Variants in NHLRC2 observed in about 807,000 individuals in gnomAD.
NHLRC2 encodes NHL repeat containing 2, also known as NHL repeat-containing protein 2.
Under a neutral mutation model 68.1 loss-of-function variants are expected in NHLRC2, and 33 were observed. The observed-to-expected ratio is 0.48, with a 90% CI of 0.37 to 0.65. The LOEUF (loss-of-function observed/expected upper bound fraction) is 0.65. NHLRC2 is among the 30% of genes least tolerant of loss of function. NHLRC2 has a pLI of 0.00. For missense variants in NHLRC2, 761 were observed against 853.8 expected (o/e 0.89, Z 1.35); for synonymous variants, 311 against 309.6 (o/e 1.00, Z -0.05).
chr10:113,854,904 T>C lies in NHLRC2; in HGVS notation c.32T>C (p.Leu11Pro). The part of the protein sequence containing the change: MAAPGGRGRS[L>P]SGLLPAQTSL... ...GCGCCCGGAGGCCGGGGCCGCAGCC[T>C]CTCCGGCCTGCTCCCCGCGCAGACC... The change falls in exon 1 of 11, where the codon CTC becomes CCC. Residue 11 changes from leucine (L) to proline (P), a missense_variant. Leu to Pro is a moderately conservative substitution (Grantham distance 98). Transcript: ENST00000369301. 4.5e-6 allele frequency: 7 copies of C among 1,551,550 alleles called. No individual in the cohort carries two copies. The highest frequency in any genetic ancestry group is 6.1e-6 in the Non-Finnish European group (7 of 1,147,454).
At chr10:113,867,048 G>A (rs1845874256) in intron 2 of NHLRC2, among the ~76,000 whole-genome samples, 1 of 152,232 alleles carries the variant, frequency 6.6e-6, no homozygotes, top group Admixed American at 6.5e-5. Flanking sequence ...GGCTGGTCAT[G>A]TAGGCAGCTT....
chr10:113,857,492 GTTA>G (rs1391889637), intron 1 of NHLRC2, among the ~76,000 whole-genome samples: 1 of 151,980 alleles, frequency 6.6e-6, no homozygotes, highest in Non-Finnish European at 1.5e-5. Flanking sequence ...AGTAACAACA[GTTA>G]TTGTTGTTAA....
chr10:113,871,041 T>TTTTTTA (rs1845919180), intron 2 of NHLRC2, among the ~76,000 whole-genome samples: 1 of 133,320 alleles, frequency 7.5e-6, no homozygotes, highest in African/African-American at 2.8e-5. Context: ...TTTTTTTTTT[T>TTTTTTA]GAGACGGAGT....
intron 5 of NHLRC2, among the ~76,000 whole-genome samples, chr10:113,887,633 A>T (rs999078123): frequency 6.6e-6 from 1 of 152,052 alleles, no homozygotes; most frequent in African/African-American, 2.4e-5. Flanking sequence ...GCTGGGCGTG[A>T]TAGTAGATGC....
At chr10:113,901,124 A>G (rs1414357306) in intron 6 of NHLRC2, among the ~76,000 whole-genome samples, 1 of 152,166 alleles carries the variant, frequency 6.6e-6, no homozygotes, top group Non-Finnish European at 1.5e-5. Context: ...ATTATGTACA[A>G]TTATATTATT....
rs1589549579 is a variant in NHLRC2 at position 113,904,694 on chromosome 10, A to G, written c.1705-123A>G. 19 of 707,258 alleles carry G rather than the reference A, an allele frequency of 2.7e-5. No individual in the cohort carries two copies. The East Asian group carries it at 4.9e-4, about 18-fold the overall frequency. 43.8% of individuals were successfully genotyped at this position (707,258 alleles called of 1,614,324 possible). ...CATCTAACACATTCTAATTCAAACT[A>G]GAATGGCGATTAGTTTCATTGACAT... On this transcript the variant is annotated intron_variant, in intron 9 of 10. Coordinates refer to ENST00000369301, the MANE Select transcript of NHLRC2 (RefSeq NM_198514.4).
Position 113,858,672 on chromosome 10 carries a change from C to A in NHLRC2, c.323C>A (p.Ser108Tyr). 6.2e-7 allele frequency: 1 copy of A among 1,609,142 alleles called. No individual in the cohort carries two copies. Among genetic ancestry groups the A allele is most frequent in the Non-Finnish European group, 8.5e-7 (1 of 1,176,004 alleles). ...PDLHALEHTY[S>Y]DKDGLLIIGV... ...CTCCATGCATTAGAACACACATACT[C>A]TGATAAAGGTATCTGCTCTTTAATT... Residue 108 changes from serine (S) to tyrosine (Y), a missense_variant, in exon 2 of 11, where the codon TCT (serine) becomes TAT (tyrosine). Coordinates refer to ENST00000369301, the MANE Select transcript of NHLRC2 (RefSeq NM_198514.4).
In NHLRC2 at chr10:113,898,222, C is replaced by T. The variant is rs762719104; in HGVS notation, c.1139+13C>T. The T allele has an allele frequency of 4.5e-6, 7 of 1,561,790 alleles. No homozygotes were observed. The highest frequency in any genetic ancestry group is 1.1e-5 in the South Asian group (1 of 89,944). Reference sequence around the variant, plus strand: ...TGCCAAAGAAAAAGTAAGTGACAGCCTCTCTCTTTGAGTAGACTGTACTAC... The same window carrying T: ...TGCCAAAGAAAAAGTAAGTGACAGCTTCTCTCTTTGAGTAGACTGTACTAC... On this transcript the variant is annotated intron_variant, in intron 6 of 10. Transcript: ENST00000369301.
intron 6 of NHLRC2, among the ~76,000 whole-genome samples, chr10:113,899,746 GTC>G (rs1274452993): frequency 6.6e-6 from 1 of 151,992 alleles, no homozygotes; most frequent in Non-Finnish European, 1.5e-5. Context: ...GTGAAACCCC[GTC>G]TCTACTAAAA....
At chr10:113,869,627 A>G (rs1050071290) in intron 2 of NHLRC2, among the ~76,000 whole-genome samples, 1 of 152,082 alleles carries the variant, frequency 6.6e-6, no homozygotes. Context: ...CTAACACCTC[A>G]TCATTCACAT....
rs892410570 is a variant in NHLRC2, at chr10:113,915,965, G to A, written c.*7429G>A. The stretch of plus-strand genomic sequence containing the variant: ...TCTTTATCTAATGTGTGCTAAGCTT[G>A]TGAAAAATATATGTTGAGGTAAATA... On this transcript the variant is annotated 3_prime_UTR_variant, in exon 11 of 11. Coordinates refer to ENST00000369301, the MANE Select transcript of NHLRC2 (RefSeq NM_198514.4). 2.6e-5 allele frequency: 4 copies of A among 152,162 alleles called. No individual in the cohort carries two copies. The highest frequency in any genetic ancestry group is 2.0e-4 in the Admixed American group (3 of 15,280). The allele number at this position is 152,162 out of a possible 1,614,324, so 9.4% of individuals were successfully genotyped here. A position where few individuals can be genotyped will look rare whatever the true frequency, so the allele number is the denominator to read the frequency against.
rs374113261 is a variant in NHLRC2, at chr10:113,904,950, C to T, written c.1838C>T (p.Thr613Ile). 9 of 1,584,276 alleles carry T rather than the reference C, an allele frequency of 5.7e-6. No homozygotes were observed. In the African/African-American group the frequency reaches 1.1e-4, roughly 19 times the overall value. ...LSPVTACAGQTLQFKLRLDLP... is the reference protein window; with the variant it reads ...LSPVTACAGQILQFKLRLDLP... The stretch of plus-strand genomic sequence containing the variant: ...CCCGTGACTGCGTGTGCTGGCCAGA[C>T]TCTTCAGTTCAAACTCAGATTAGAC... Residue 613 changes from threonine (T) to isoleucine (I), a missense_variant, in exon 10 of 11, where the codon ACT becomes ATT. Transcript: ENST00000369301.
chr10:113,880,486 C>T (rs757544341), intron 4 of NHLRC2, among the ~76,000 whole-genome samples: 1 of 151,720 alleles, frequency 6.6e-6, no homozygotes, highest in African/African-American at 2.4e-5. Context: ...CTTTAAGTTG[C>T]CATGTGTTTG....
chr10:113,914,994 A>C lies in NHLRC2; in HGVS notation c.*6458A>C, dbSNP rs1318351637. The C allele has an allele frequency of 2.2e-6, 1 of 456,174 alleles. No individual in the cohort carries two copies. Among genetic ancestry groups the C allele is most frequent in the Non-Finnish European group, 4.4e-6 (1 of 226,986 alleles). 28.3% of individuals were successfully genotyped at this position (456,174 alleles called of 1,614,324 possible). On this transcript the variant is annotated 3_prime_UTR_variant, in exon 11 of 11. Transcript: ENST00000369301. The stretch of plus-strand genomic sequence containing the variant: ...CTGCCCCAATCACAGAGCCTGGGTA[A>C]GGTGGAACAGGAGGCAGCCCCACTC...
At chr10:113,880,455 T>G (rs1564854101) in intron 4 of NHLRC2, among the ~76,000 whole-genome samples, 1 of 151,948 alleles carries the variant, frequency 6.6e-6, no homozygotes. Context: ...TCCTGATGGT[T>G]GTTTTGGCTA....
In NHLRC2 at chr10:113,913,257, A is replaced by C. The variant is rs1046173511; in HGVS notation, c.*4721A>C. 3.3e-5 allele frequency: 5 copies of C among 152,206 alleles called. No homozygotes were observed. The highest frequency in any genetic ancestry group is 1.3e-4 in the Admixed American group (2 of 15,290). 9.4% of individuals were successfully genotyped at this position (152,206 alleles called of 1,614,324 possible). ...ATTGCCTCTTAAAGTAGGTTTTCTTAAAACATAAATCTTTCATAACTTTAT... is the reference window on the plus strand; with the variant it reads ...ATTGCCTCTTAAAGTAGGTTTTCTTCAAACATAAATCTTTCATAACTTTAT... On this transcript the variant is annotated 3_prime_UTR_variant, in exon 11 of 11. Coordinates refer to ENST00000369301, the MANE Select transcript of NHLRC2 (RefSeq NM_198514.4).
At chr10:113,886,175 T>A (rs1227632294) in intron 5 of NHLRC2, among the ~76,000 whole-genome samples, 1 of 152,122 alleles carries the variant, frequency 6.6e-6, no homozygotes, top group Non-Finnish European at 1.5e-5. Flanking sequence ...AGAGTAAATT[T>A]AACCAAGGAG....
In NHLRC2 at chr10:113,854,843, C is replaced by A; in HGVS notation, c.-30C>A. The A allele has an allele frequency of 1.3e-6, 2 of 1,526,332 alleles. No homozygotes were observed. The highest frequency in any genetic ancestry group is 1.8e-6 in the Non-Finnish European group (2 of 1,137,012). 94.5% of individuals were successfully genotyped at this position (1,526,332 alleles called of 1,614,324 possible). A position where few individuals can be genotyped will look rare whatever the true frequency, so the allele number is the denominator to read the frequency against. Reference sequence around the variant, plus strand: ...TCCCAGCGAGACTCTCCCGCGGGCCCGGCGGCCGCATCGGGAGCCCGGCGG... The same window carrying A: ...TCCCAGCGAGACTCTCCCGCGGGCCAGGCGGCCGCATCGGGAGCCCGGCGG... On this transcript the variant is annotated 5_prime_UTR_variant, in exon 1 of 11. Coordinates refer to ENST00000369301, the MANE Select transcript of NHLRC2 (RefSeq NM_198514.4).
At chr10:113,889,425 A>G (rs1229879026) in intron 5 of NHLRC2, among the ~76,000 whole-genome samples, 3 of 152,168 alleles carry the variant, frequency 2.0e-5, no homozygotes, top group Non-Finnish European at 4.4e-5. Context: ...AAATCAGATG[A>G]CACGGAGTTT....
Sources: gnomAD v4.1 joint callset for allele counts (sites outside exome capture counted in the v4.1 genomes callset) on GRCh38, gnomAD v4.1.1 for gene constraint, MANE v1.5 for transcripts, NCBI Gene and HGNC (gene_info 2026-07-23, HGNC 2026-07-21) for gene names.